Variants in JPT2 observed in about 807,000 individuals in gnomAD.
JPT2 encodes Jupiter microtubule associated homolog 2.
A neutral mutation model predicts 15.9 loss-of-function variants in JPT2; 9 were observed. The ratio of observed to expected loss-of-function variants is 0.57; its 90% CI spans 0.34 to 0.99. The LOEUF (loss-of-function observed/expected upper bound fraction) is 0.99, where lower values mean the gene tolerates loss of function less well. JPT2 is among the 50% of genes least tolerant of loss of function. JPT2 has a pLI of 0.02. For missense variants in JPT2, 267 were observed against 252.1 expected, an observed-to-expected ratio of 1.06 and a Z score of -0.40; for synonymous variants, 95 against 91.7, an observed-to-expected ratio of 1.04 and a Z score of -0.21.
rs559088817 is a variant in JPT2 at position 1,697,793 on chromosome 16, G to T, written c.337-19G>T. ...AATTTTCTGAGTGAGTCCTGATTTGGTGGTTTGCCTTGTTGCAGGATCATG... is the reference window on the plus strand; with the variant it reads ...AATTTTCTGAGTGAGTCCTGATTTGTTGGTTTGCCTTGTTGCAGGATCATG... On this transcript the variant is annotated intron_variant, in intron 3 of 4. Transcript: ENST00000248098. 2 of 1,613,350 alleles carry T rather than the reference G, an allele frequency of 1.2e-6. No individual in the cohort carries two copies. The highest frequency in any genetic ancestry group is 1.7e-5 in the Admixed American group (1 of 59,890).
chr16:1,690,494 A>G (rs1251260392), intron 2 of JPT2: 3 of 152,232 alleles, frequency 2.0e-5, no homozygotes, highest in Non-Finnish European at 2.9e-5. Context: ...CAGGTGGGCT[A>G]TACTCAAGCA....
At chr16:1,692,098 G>A (rs755322375) in intron 3 of JPT2, 113 bp downstream of exon 3, 397 of 1,342,778 alleles carry the variant, frequency 3.0e-4, no homozygotes, top group Non-Finnish European at 3.8e-4. Context: ...GGTGGGTGCC[G>A]TAGATTATCC....
chr16:1,678,900 G>C (rs1273354644), intron 1 of JPT2, among the ~76,000 whole-genome samples: 1 of 152,192 alleles, frequency 6.6e-6, no homozygotes. Context: ...CCATGGCCGC[G>C]CTTCCACTAG....
At chr16:1,686,107 T>A (rs2142223067) in intron 2 of JPT2, 2 of 153,782 alleles carry the variant, frequency 1.3e-5, no homozygotes, top group South Asian at 4.1e-4. Flanking sequence ...GCGCGGTGGC[T>A]CATGCCTGTA....
At chr16:1,678,474 C>A in intron 1 of JPT2, 118 bp downstream of exon 1, 1 of 1,016,478 alleles carries the variant, frequency 9.8e-7, no homozygotes, top group Non-Finnish European at 1.3e-6. Flanking sequence ...GCAGGGCGAC[C>A]TCACAGAGGC....
intron 3 of JPT2, among the ~76,000 whole-genome samples, chr16:1,695,268 G>T (rs2037132685): frequency 6.6e-6 from 1 of 152,150 alleles, no homozygotes; most frequent in African/African-American, 2.4e-5. Flanking sequence ...AGCCGGGCCT[G>T]GTGGCACATG....
rs1000575281 is a variant in JPT2, at chr16:1,697,812, G to A, written c.337G>A (p.Asp113Asn). 6.2e-7 allele frequency: 1 copy of A among 1,613,852 alleles called. No individual in the cohort carries two copies. Among genetic ancestry groups the A allele is most frequent in the Admixed American group, 1.7e-5 (1 of 59,952 alleles). Reference sequence around the variant, plus strand: ...GATTTGGTGGTTTGCCTTGTTGCAGGATCATGTTTTCTTATGTGAAGGAGA... The same window carrying A: ...GATTTGGTGGTTTGCCTTGTTGCAGAATCATGTTTTCTTATGTGAAGGAGA... ...SRLAHPNKPK[D>N]HVFLCEGEEP... Residue 113 changes from aspartate (D) to asparagine (N), a missense_variant and splice_region_variant, in exon 4 of 5, where the codon GAT becomes AAT. Transcript: ENST00000248098.
At chr16:1,693,679 C>A (rs1012061733) in intron 3 of JPT2, among the ~76,000 whole-genome samples, 8 of 151,858 alleles carry the variant, frequency 5.3e-5, no homozygotes, top group African/African-American at 1.7e-4. Flanking sequence ...TAATAAAGTT[C>A]TTTTGGTCCA....
chr16:1,695,405 CAAAAAAAA>C (rs35052397), intron 3 of JPT2, among the ~76,000 whole-genome samples: 2 of 121,368 alleles, frequency 1.6e-5, no homozygotes, highest in Non-Finnish European at 3.6e-5. Context: ...AACTCCGTCC[CAAAAAAAA>C]AAAAAAAAAT....
chr16:1,679,696 CAAAA>C (rs36037229), intron 1 of JPT2, among the ~76,000 whole-genome samples: 3 of 114,812 alleles, frequency 2.6e-5, no homozygotes, highest in East Asian at 5.0e-4. Context: ...GACTCCGTCT[CAAAA>C]AAAAAAAAAA....
At chr16:1,684,200 A>T (rs140466031) in intron 1 of JPT2, among the ~76,000 whole-genome samples, 96 of 152,330 alleles carry the variant, frequency 6.3e-4, no homozygotes, top group Non-Finnish European at 9.7e-4. Flanking sequence ...GTGGATACAG[A>T]GGGCTGACTT....
At chr16:1,680,328 G>A (rs2037012370) in intron 1 of JPT2, 2 of 1,002,390 alleles carry the variant, frequency 2.0e-6, no homozygotes, top group Admixed American at 5.9e-5. Context: ...GAGCGACGCC[G>A]ATGTTTTTAT....
intron 3 of JPT2, among the ~76,000 whole-genome samples, chr16:1,697,145 C>A (rs942217264): frequency 2.6e-5 from 4 of 152,212 alleles, no homozygotes; most frequent in African/African-American, 9.7e-5. Flanking sequence ...AGCATTGACA[C>A]ACGCTACAGC....
At chr16:1,695,435 G>C (rs988591727) in intron 3 of JPT2, among the ~76,000 whole-genome samples, 2 of 151,704 alleles carry the variant, frequency 1.3e-5, no homozygotes, top group African/African-American at 4.8e-5. Flanking sequence ...AGTTGCGTAT[G>C]GTTGCGTGCA....
At chr16:1,691,574 T>C (rs2037103628) in intron 2 of JPT2, among the ~76,000 whole-genome samples, 1 of 152,156 alleles carries the variant, frequency 6.6e-6, no homozygotes, top group Non-Finnish European at 1.5e-5. Context: ...AAATCTGCAG[T>C]TTGATGCCAT....
At chr16:1,680,031 C>T (rs1313171595) in intron 1 of JPT2, among the ~76,000 whole-genome samples, 3 of 152,292 alleles carry the variant, frequency 2.0e-5, no homozygotes, top group East Asian at 3.9e-4. Flanking sequence ...TGCACTCCAG[C>T]CTGGATGACA....
downstream of JPT2, chr16:1,702,214 C>T (rs1234351483): frequency 6.6e-6 from 3 of 452,612 alleles, no homozygotes; most frequent in Middle Eastern, 3.3e-4. Flanking sequence ...ACCATTCTGC[C>T]TGCTAGATCG....
At chr16:1,679,947 T>A (rs751533457) in intron 1 of JPT2, among the ~76,000 whole-genome samples, 11 of 151,750 alleles carry the variant, frequency 7.2e-5, no homozygotes, top group Non-Finnish European at 1.6e-4. Context: ...TAGTCCCAGT[T>A]CCTTGAGAGG....
At chr16:1,692,994 A>T (rs375222562) in intron 3 of JPT2, among the ~76,000 whole-genome samples, 15 of 152,360 alleles carry the variant, frequency 9.8e-5, no homozygotes, top group African/African-American at 2.9e-4. Context: ...GGATTGCCCT[A>T]CATCTCTCTT....
Sources: allele counts gnomAD v4.1 joint callset (sites outside exome capture counted in the v4.1 genomes callset), GRCh38; gene constraint gnomAD v4.1.1; transcripts MANE v1.5; gene names NCBI Gene and HGNC (gene_info 2026-07-23, HGNC 2026-07-21).